DOCK11: variants seen among roughly 807,000 people sequenced by gnomAD.
The protein encoded by DOCK11 is dedicator of cytokinesis 11, also known as dedicator of cytokinesis protein 11.
A neutral mutation model predicts 169.1 loss-of-function variants in DOCK11; 70 were observed. That is an observed-to-expected ratio of 0.41 (90% CI 0.34 to 0.51). The LOEUF (loss-of-function observed/expected upper bound fraction) is 0.51, where lower values mean the gene tolerates loss of function less well. DOCK11 is among the 20% of genes least tolerant of loss of function. The pLI, the probability that DOCK11 is intolerant of heterozygous loss-of-function variation, is 0.10. For synonymous variants in DOCK11, 529 were observed against 541.3 expected (o/e 0.98, Z 0.32); for missense variants, 1,166 against 1,538.8 (o/e 0.76, Z 4.05).
chrX:118,628,225 C>T lies in DOCK11; in HGVS notation c.3727C>T (p.Pro1243Ser). Residue 1243 changes from proline to serine, a missense_variant, in exon 34 of 53, where the codon CCA becomes TCA. Pro to Ser is a moderately conservative substitution (Grantham distance 74). Transcript: ENST00000276202. ...AGAAGATTCAAGAGGTTCCCTCATC[C>T]CAGAAGGAGCAACAGGATTTCCAGA... ...KREDSRGSLI[P>S]EGATGFPDQG... 3.3e-6 allele frequency: 4 copies of T among 1,207,071 alleles called. No homozygotes were observed. The highest frequency in any genetic ancestry group is 4.5e-6 in the Non-Finnish European group (4 of 891,871).
At chrX:118,593,805 A>G (rs2014076264) in intron 20 of DOCK11, among the ~76,000 whole-genome samples, 1 of 111,772 alleles carries the variant, frequency 8.9e-6, no homozygotes, top group South Asian at 3.7e-4. Context: ...CATATCAAGC[A>G]CATTTCTGAT....
intron 45 of DOCK11, among the ~76,000 whole-genome samples, chrX:118,664,505 C>T (rs992799990): frequency 2.7e-5 from 3 of 110,324 alleles, no homozygotes; most frequent in East Asian, 2.9e-4. Context: ...ATTAGCCAGA[C>T]GTGGTGGCAC....
intron 46 of DOCK11, among the ~76,000 whole-genome samples, chrX:118,671,384 C>T (rs779264826): frequency 1.3e-4 from 14 of 110,992 alleles, no homozygotes; most frequent in Non-Finnish European, 2.6e-4. Context: ...TTAATGATTT[C>T]ACCACAAAGG....
chrX:118,543,467 T>C (rs758691108), intron 3 of DOCK11, 44 bp from the exon 4 acceptor site: 8 of 1,050,481 alleles, frequency 7.6e-6, no homozygotes, highest in African/African-American at 1.8e-5. Flanking sequence ...GATATATATG[T>C]ACTTTTCCTA....
intron 12 of DOCK11, among the ~76,000 whole-genome samples, chrX:118,577,924 A>G (rs2013501748): frequency 8.9e-6 from 1 of 112,040 alleles, no homozygotes; most frequent in Non-Finnish European, 1.9e-5. Context: ...GTCAAACTGG[A>G]CAGGAGGTGT....
chrX:118,653,412 T>A (rs2015993042), intron 42 of DOCK11, among the ~76,000 whole-genome samples: 1 of 110,581 alleles, frequency 9.0e-6, no homozygotes, highest in Non-Finnish European at 1.9e-5. Flanking sequence ...ATTTCTATTG[T>A]ATTTATTTAT....
chrX:118,602,309 T>A (rs774154849), intron 23 of DOCK11, among the ~76,000 whole-genome samples: 119 of 110,458 alleles, frequency 1.1e-3, no homozygotes, highest in Non-Finnish European at 2.0e-3. Context: ...TGTTATATAT[T>A]TAGTATTTTC....
chrX:118,639,733 GA>G (rs1197993534), intron 38 of DOCK11, among the ~76,000 whole-genome samples, 156 bp downstream of exon 38: 1 of 111,769 alleles, frequency 8.9e-6, no homozygotes, highest in Non-Finnish European at 1.9e-5. Flanking sequence ...TATGTATGAA[GA>G]AAAGAAGTCC....
chrX:118,588,132 T>G lies in DOCK11; in HGVS notation c.1796-5T>G, dbSNP rs768784296. On this transcript the variant is annotated splice_region_variant and splice_polypyrimidine_tract_variant and intron_variant, in intron 16 of 52. Transcript: ENST00000276202. Reference sequence around the variant, plus strand: ...GATCTTTGCCTGTTTTTTTCCCTGCTATAGATTGTATTACTTCTTCATATG... The same window carrying G: ...GATCTTTGCCTGTTTTTTTCCCTGCGATAGATTGTATTACTTCTTCATATG... 1 of 1,170,010 alleles carries G rather than the reference T, an allele frequency of 8.5e-7. No individual in the cohort carries two copies. Among genetic ancestry groups the G allele is most frequent in the East Asian group, 3.0e-5 (1 of 33,424 alleles).
intron 14 of DOCK11, 33 bp downstream of exon 14, chrX:118,580,212 C>T (rs931084424): frequency 1.7e-5 from 19 of 1,132,584 alleles, no homozygotes; most frequent in African/African-American, 3.6e-5. Flanking sequence ...CCCGCTCACT[C>T]GTGTTCATAT....
intron 36 of DOCK11, among the ~76,000 whole-genome samples, chrX:118,636,846 C>T (rs184197674): frequency 4.5e-4 from 50 of 111,903 alleles, no homozygotes; most frequent in African/African-American, 1.6e-3. Flanking sequence ...CACACACACA[C>T]ACACACACAC....
intron 35 of DOCK11, chrX:118,632,973 G>T (rs1351757969): frequency 1.2e-5 from 1 of 85,587 alleles, no homozygotes; most frequent in East Asian, 4.6e-4. Flanking sequence ...GGGCGGTGGG[G>T]GGGGGGGTGA....
Position 118,639,507 on chromosome X carries a change from CAG to C in DOCK11, c.4076_4077del (p.Arg1359IlefsTer12). 1 of 1,211,056 alleles carries C rather than the reference CAG, an allele frequency of 8.3e-7. No homozygotes were observed. The highest frequency in any genetic ancestry group is 1.1e-6 in the Non-Finnish European group (1 of 894,948). On this transcript the variant is annotated frameshift_variant, in exon 38 of 53. Coordinates refer to ENST00000276202, the MANE Select transcript of DOCK11 (RefSeq NM_144658.4). LOFTEE classifies it high-confidence loss of function. Reference sequence around the variant, plus strand: ...CGCAAACCATGCCTGCTCTTCGAAACAGATCAGGAGTAATGCAGGCCCGGCTT... The same window carrying C: ...CGCAAACCATGCCTGCTCTTCGAAACATCAGGAGTAATGCAGGCCCGGCTT... ...KSQTMPALRN[R>X]SGVMQARLQH... is the part of the protein sequence containing the mutation.
chrX:118,576,493 G>A (rs1332645092), intron 12 of DOCK11, among the ~76,000 whole-genome samples: 3 of 111,935 alleles, frequency 2.7e-5, no homozygotes, highest in African/African-American at 9.8e-5. Context: ...GGAATCCCTG[G>A]TCAGTTAGAA....
intron 1 of DOCK11, among the ~76,000 whole-genome samples, chrX:118,510,012 G>C (rs1252050856): frequency 1.8e-5 from 2 of 111,844 alleles, no homozygotes; most frequent in African/African-American, 6.5e-5. Flanking sequence ...TCACTTATAA[G>C]GACCTTGGTT....
chrX:118,648,584 TATATA>T lies in DOCK11; in HGVS notation c.4399-355_4399-351del, dbSNP rs1242389131. 5.4e-5 allele frequency among the ~76,000 whole-genome samples: 4 copies of T among 74,762 alleles called. No individual in the cohort carries two copies. The Admixed American group carries it at 6.1e-4, about 11-fold the overall frequency. 64.9% of individuals were successfully genotyped at this position (74,762 alleles called of 115,157 possible). On this transcript the variant is annotated intron_variant, in intron 40 of 52. Transcript: ENST00000276202. The stretch of plus-strand genomic sequence containing the variant: ...TATATATTATATACATATATATAAA[TATATA>T]ATATATATAATATATTAATATATAA...
chrX:118,508,739 G>C (rs1344277319), intron 1 of DOCK11, among the ~76,000 whole-genome samples: 1 of 112,188 alleles, frequency 8.9e-6, no homozygotes, highest in Non-Finnish European at 1.9e-5. Flanking sequence ...GGGGAGACTT[G>C]CTCCTCTACT....
chrX:118,614,834 G>T, intron 29 of DOCK11, 59 bp downstream of exon 29: 2 of 828,454 alleles, frequency 2.4e-6, no homozygotes, highest in Non-Finnish European at 3.5e-6. Flanking sequence ...AGACCAAAGT[G>T]ACATTTATTC....
intron 36 of DOCK11, among the ~76,000 whole-genome samples, chrX:118,637,867 T>G (rs1035399557): frequency 4.5e-5 from 5 of 111,752 alleles, no homozygotes; most frequent in African/African-American, 6.5e-5. Flanking sequence ...AAATTGTATA[T>G]GAAAACATGA....
Sources: allele counts gnomAD v4.1 joint callset (sites outside exome capture counted in the v4.1 genomes callset), GRCh38; gene constraint gnomAD v4.1.1; transcripts MANE v1.5; gene names NCBI Gene and HGNC (gene_info 2026-07-23, HGNC 2026-07-21).